Variants in ASTN2 observed in about 807,000 individuals in gnomAD.
The protein encoded by ASTN2 is astrotactin 2.
A neutral mutation model predicts 139.8 loss-of-function variants in ASTN2; 54 were observed. That is an observed-to-expected ratio of 0.39 (90% CI 0.31 to 0.48). The LOEUF (loss-of-function observed/expected upper bound fraction) is 0.48. ASTN2 is among the 20% of genes least tolerant of loss of function. The probability of loss-of-function intolerance (pLI) is 0.95; values close to 1 mark genes in which losing one functional copy is unlikely to be tolerated. For synonymous variants in ASTN2, 756 were observed against 719.5 expected (o/e 1.05, Z -0.81); for missense variants, 1,565 against 1,725.1 (o/e 0.91, Z 1.64).
intron 2 of ASTN2, among the ~76,000 whole-genome samples, chr9:117,237,601 T>TC (rs1187907125): frequency 1.3e-5 from 2 of 152,152 alleles, no homozygotes; most frequent in Non-Finnish European, 2.9e-5. Context: ...TGCCTCAGCC[T>TC]CCCGAGTAGC....
intron 16 of ASTN2, chr9:116,687,232 A>T (rs945698502): frequency 5.0e-6 from 5 of 1,002,530 alleles, no homozygotes; most frequent in South Asian, 4.3e-5. Flanking sequence ...CTGCACGACA[A>T]GCCCCAGCAT....
At chr9:116,687,876 T>C (rs1860352818) in intron 16 of ASTN2, among the ~76,000 whole-genome samples, 1 of 151,734 alleles carries the variant, frequency 6.6e-6, no homozygotes, top group African/African-American at 2.4e-5. Context: ...CTAAGTGCTA[T>C]TGAGAAAGGG....
chr9:116,649,890 C>G (rs1411006609), intron 17 of ASTN2, among the ~76,000 whole-genome samples: 1 of 152,166 alleles, frequency 6.6e-6, no homozygotes, highest in Non-Finnish European at 1.5e-5. Context: ...GATCAGGATT[C>G]ATTTTGTTTC....
chr9:117,386,534 G>T (rs1001208124), intron 1 of ASTN2, among the ~76,000 whole-genome samples: 9 of 152,106 alleles, frequency 5.9e-5, no homozygotes, highest in Non-Finnish European at 2.9e-5. Context: ...ACATTTCAGG[G>T]ACCAGGATGG....
intron 3 of ASTN2, chr9:117,181,046 CAT>C: frequency 6.7e-7 from 1 of 1,482,026 alleles, no homozygotes; most frequent in Non-Finnish European, 9.3e-7. Flanking sequence ...AGGTCAGAAA[CAT>C]AAACATACAT....
chr9:116,740,344 AAG>A (rs2132136794), intron 13 of ASTN2, among the ~76,000 whole-genome samples: 1 of 151,614 alleles, frequency 6.6e-6, no homozygotes, highest in South Asian at 2.1e-4. Flanking sequence ...TAGTGATAGA[AAG>A]AGCATGGGCT....
chr9:116,507,268 T>C (rs1324358917), intron 19 of ASTN2, among the ~76,000 whole-genome samples: 1 of 152,134 alleles, frequency 6.6e-6, no homozygotes. Flanking sequence ...AATGCAGAGT[T>C]GAAATATTGT....
chr9:116,728,714 C>T (rs1049971124), intron 15 of ASTN2, among the ~76,000 whole-genome samples: 1 of 152,138 alleles, frequency 6.6e-6, no homozygotes, highest in Non-Finnish European at 1.5e-5. Context: ...TCCCTCCACA[C>T]CCTACTCAGA....
chr9:117,064,009 C>G (rs1839377261), intron 5 of ASTN2, among the ~76,000 whole-genome samples: 2 of 152,008 alleles, frequency 1.3e-5, no homozygotes, highest in African/African-American at 2.4e-5. Flanking sequence ...AGATTGTTTT[C>G]CCGAGAGCTT....
chr9:116,851,518 T>C (rs200838024), intron 11 of ASTN2, among the ~76,000 whole-genome samples: 1 of 127,846 alleles, frequency 7.8e-6, no homozygotes, highest in African/African-American at 2.9e-5. Flanking sequence ...ATCTATCTAG[T>C]TATCTATCTA....
At chr9:116,506,868 C>CG (rs1850134773) in intron 19 of ASTN2, among the ~76,000 whole-genome samples, 1 of 152,140 alleles carries the variant, frequency 6.6e-6, no homozygotes, top group Admixed American at 6.5e-5. Context: ...TGGGCTTGGA[C>CG]GTGGGCTGTG....
intron 1 of ASTN2, among the ~76,000 whole-genome samples, chr9:117,311,229 G>GAAAA (rs67365219): frequency 4.3e-5 from 6 of 140,912 alleles, no homozygotes; most frequent in Non-Finnish European, 7.7e-5. Context: ...TAGGCTTACA[G>GAAAA]AAAAAAAAAA....
At chr9:116,919,453 T>C (rs1283605597) in intron 10 of ASTN2, among the ~76,000 whole-genome samples, 4 of 152,138 alleles carry the variant, frequency 2.6e-5, no homozygotes, top group African/African-American at 9.7e-5. Flanking sequence ...GAACACACTG[T>C]GAACGTTTTA....
At chr9:117,365,319 A>AAGAAAGAAAG in intron 1 of ASTN2, among the ~76,000 whole-genome samples, 2 of 149,798 alleles carry the variant, frequency 1.3e-5, no homozygotes, top group African/African-American at 5.1e-5. Context: ...AAGAAAAAGA[A>AAGAAAGAAAG]AGAAAGAAAG....
chr9:117,155,600 C>T (rs1198620888), intron 3 of ASTN2, among the ~76,000 whole-genome samples: 1 of 152,000 alleles, frequency 6.6e-6, no homozygotes, highest in Non-Finnish European at 1.5e-5. Flanking sequence ...CAGAAGGAAG[C>T]TCACACTCCA....
chr9:117,323,388 T>A (rs1828401586), intron 1 of ASTN2, among the ~76,000 whole-genome samples: 1 of 150,056 alleles, frequency 6.7e-6, no homozygotes, highest in South Asian at 2.1e-4. Flanking sequence ...TGATCCTAAC[T>A]GCATTTACCC....
intron 13 of ASTN2, among the ~76,000 whole-genome samples, chr9:116,800,939 T>C (rs1215568697): frequency 6.6e-6 from 1 of 152,134 alleles, no homozygotes; most frequent in Non-Finnish European, 1.5e-5. Context: ...CACAGACCTC[T>C]CTTATATCAG....
chr9:117,175,432 A>G (rs1160810896), intron 3 of ASTN2, among the ~76,000 whole-genome samples: 1 of 152,184 alleles, frequency 6.6e-6, no homozygotes, highest in Non-Finnish European at 1.5e-5. Flanking sequence ...TTCATAAATA[A>G]GACTTTATCT....
At chr9:117,030,742 T>C (rs1838222797) in intron 6 of ASTN2, among the ~76,000 whole-genome samples, 1 of 151,230 alleles carries the variant, frequency 6.6e-6, no homozygotes, top group East Asian at 2.0e-4. Context: ...TAGACATTCC[T>C]AATGAAGAGA....
Sources: gnomAD v4.1 joint callset for allele counts (sites outside exome capture counted in the v4.1 genomes callset) on GRCh38, gnomAD v4.1.1 for gene constraint, MANE v1.5 for transcripts, NCBI Gene and HGNC (gene_info 2026-07-23, HGNC 2026-07-21) for gene names.